The following TINAG variants were observed in gnomAD, a reference collection of about 807,000 sequenced individuals.
The protein encoded by TINAG is tubulointerstitial nephritis antigen.
Under a neutral mutation model 72.7 loss-of-function variants are expected in TINAG, and 83 were observed. The observed-to-expected ratio is 1.14, with a 90% CI of 0.96 to 1.37. The LOEUF (loss-of-function observed/expected upper bound fraction) is 1.37, where lower values mean the gene tolerates loss of function less well. Ranked by LOEUF, TINAG falls within the 40% of genes most tolerant of loss-of-function variation. The pLI, the probability that TINAG is intolerant of heterozygous loss-of-function variation, is 0.00. For missense variants in TINAG, 685 were observed against 576.6 expected (o/e 1.19, Z -1.93); for synonymous variants, 234 against 189.9 (o/e 1.23, Z -1.91).
chr6:54,353,886 C>T (rs1280079405), intron 8 of TINAG, among the ~76,000 whole-genome samples: 1 of 151,732 alleles, frequency 6.6e-6, no homozygotes, highest in Non-Finnish European at 1.5e-5. Flanking sequence ...AGCCCTTCAA[C>T]AAAGCAGCAC....
chr6:54,338,280 A>G (rs1403063131), intron 4 of TINAG, among the ~76,000 whole-genome samples: 2 of 152,216 alleles, frequency 1.3e-5, no homozygotes, highest in African/African-American at 4.8e-5. Context: ...AAATAAATGT[A>G]AAAATTTATT....
At chr6:54,342,063 GT>G (rs558975492) in intron 4 of TINAG, among the ~76,000 whole-genome samples, 1,689 of 103,664 alleles carry the variant, frequency 0.016, 36 homozygotes, top group African/African-American at 0.055. Flanking sequence ...AATGATTGGG[GT>G]GTGTGTGTGT....
intron 4 of TINAG, among the ~76,000 whole-genome samples, chr6:54,340,778 A>C (rs1024065481): frequency 6.6e-6 from 1 of 152,008 alleles, no homozygotes; most frequent in African/African-American, 2.4e-5. Context: ...TTGTTGTTTC[A>C]CTATTGCCTT....
chr6:54,330,896 A>T (rs1784723496), intron 4 of TINAG, among the ~76,000 whole-genome samples: 2 of 152,182 alleles, frequency 1.3e-5, no homozygotes, highest in Admixed American at 6.5e-5. Flanking sequence ...CCCTCCCAGG[A>T]CTAAACCAGG....
chr6:54,320,506 T>G, intron 1 of TINAG, 73 bp from the exon 2 acceptor site: 3 of 1,237,194 alleles, frequency 2.4e-6, no homozygotes, highest in Non-Finnish European at 3.4e-6. Flanking sequence ...CTATGATTTT[T>G]GATTACATTT....
At chr6:54,366,067 C>G (rs1437359324) in intron 9 of TINAG, among the ~76,000 whole-genome samples, 2 of 151,602 alleles carry the variant, frequency 1.3e-5, no homozygotes, top group Admixed American at 1.3e-4. Context: ...AGAACTATCA[C>G]TAAACAACTG....
chr6:54,318,975 A>T (rs1784432091), intron 1 of TINAG, among the ~76,000 whole-genome samples: 1 of 152,082 alleles, frequency 6.6e-6, no homozygotes, highest in Non-Finnish European at 1.5e-5. Flanking sequence ...TTAACATTAA[A>T]TTTAGTGTTG....
rs1785014057 is a variant in TINAG, at chr6:54,342,248, AT to A, written c.625-975del. On this transcript the variant is annotated intron_variant, in intron 4 of 10. Coordinates refer to ENST00000259782, the MANE Select transcript of TINAG (RefSeq NM_014464.4). ...ATGAAATGAACAGAACAAGTTTACA[AT>A]TTAGTTGGCTTCTTGGAAAGATGGC... Among the ~76,000 whole-genome samples, 3 of 152,154 alleles carry A rather than the reference AT, an allele frequency of 2.0e-5. 1 individual carries two copies. The South Asian group carries it at 6.2e-4, about 31-fold the overall frequency.
chr6:54,319,230 G>T (rs1325955998), intron 1 of TINAG, among the ~76,000 whole-genome samples: 1 of 152,026 alleles, frequency 6.6e-6, no homozygotes, highest in African/African-American at 2.4e-5. Context: ...ACTTCTCTTG[G>T]CTTTGAATGA....
intron 9 of TINAG, among the ~76,000 whole-genome samples, chr6:54,377,588 A>G (rs1227135866): frequency 6.6e-6 from 1 of 152,148 alleles, no homozygotes; most frequent in African/African-American, 2.4e-5. Context: ...ATGTTTGTAA[A>G]TAATCTTCAA....
chr6:54,354,216 C>A (rs2150962577), intron 8 of TINAG, among the ~76,000 whole-genome samples: 1 of 151,898 alleles, frequency 6.6e-6, no homozygotes, highest in African/African-American at 2.4e-5. Flanking sequence ...GTATAGTATG[C>A]TTTTGTTGCA....
intron 9 of TINAG, among the ~76,000 whole-genome samples, chr6:54,377,447 G>C (rs1265405688): frequency 6.6e-6 from 1 of 152,092 alleles, no homozygotes; most frequent in Admixed American, 6.6e-5. Flanking sequence ...GGGAGGCGGA[G>C]TTTGCTATGA....
At chr6:54,369,346 T>TTA (rs1763535295) in intron 9 of TINAG, among the ~76,000 whole-genome samples, 1 of 151,946 alleles carries the variant, frequency 6.6e-6, no homozygotes, top group Admixed American at 6.6e-5. Context: ...AAATACACTA[T>TTA]TATACACATT....
intron 5 of TINAG, 132 bp downstream of exon 5, chr6:54,343,481 A>C: frequency 1.0e-6 from 1 of 972,358 alleles, no homozygotes; most frequent in Middle Eastern, 2.8e-4. Context: ...TCTCATTATG[A>C]TGGAAGAAAG....
intron 4 of TINAG, among the ~76,000 whole-genome samples, chr6:54,328,279 A>C (rs1483813176): frequency 6.6e-6 from 1 of 152,104 alleles, no homozygotes; most frequent in Non-Finnish European, 1.5e-5. Context: ...AGGAGCAGGC[A>C]GCAATCTTTG....
chr6:54,335,423 A>T (rs578000230), intron 4 of TINAG, among the ~76,000 whole-genome samples: 1 of 152,318 alleles, frequency 6.6e-6, no homozygotes, highest in Non-Finnish European at 1.5e-5. Context: ...GCAATAAGAA[A>T]AATTCAGCTG....
chr6:54,349,753 C>A lies in TINAG; in HGVS notation c.937C>A (p.Gln313Lys). 1 of 1,602,498 alleles carries A rather than the reference C, an allele frequency of 6.2e-7. No individual in the cohort carries two copies. The highest frequency in any genetic ancestry group is 1.1e-5 in the South Asian group (1 of 89,520). ...SHACYPLFKD[Q>K]NATNNGCAMA... ...CGCATGCTACCCACTTTTCAAAGAC[C>A]AAAATGCTACCAACAATGGATGTGC... Residue 313 changes from glutamine (Q) to lysine (K), a missense_variant, in exon 7 of 11, where the codon CAA becomes AAA. Physicochemically the swap from Gln to Lys is moderately conservative, Grantham distance 53 (BLOSUM62 1). Transcript: ENST00000259782.
rs893079278 is a variant in TINAG at position 54,347,467 on chromosome 6, A to G, written c.849A>G (p.Gly283=). ...LISCCAKNRH[G]CNSGSIDRAW... is the part of the protein sequence containing the mutation. Reference sequence around the variant, plus strand: ...CTTGCTGTGCCAAGAACCGTCATGGATGCAATAGTGGAAGCATCGATAGGG... The same window carrying G: ...CTTGCTGTGCCAAGAACCGTCATGGGTGCAATAGTGGAAGCATCGATAGGG... The change falls in exon 6 of 11, where the codon GGA becomes GGG. Residue 283 remains glycine, a synonymous_variant. Coordinates refer to ENST00000259782, the MANE Select transcript of TINAG (RefSeq NM_014464.4). 6.2e-7 allele frequency: 1 copy of G among 1,613,260 alleles called. No homozygotes were observed. The highest frequency in any genetic ancestry group is 8.5e-7 in the Non-Finnish European group (1 of 1,179,520).
At chr6:54,368,921 A>G (rs1763519744) in intron 9 of TINAG, among the ~76,000 whole-genome samples, 2 of 151,786 alleles carry the variant, frequency 1.3e-5, no homozygotes, top group South Asian at 4.1e-4. Flanking sequence ...TACATTTTTT[A>G]TTACACATTT....
Sources: allele counts gnomAD v4.1 joint callset (sites outside exome capture counted in the v4.1 genomes callset), GRCh38; gene constraint gnomAD v4.1.1; transcripts MANE v1.5; gene names NCBI Gene and HGNC (gene_info 2026-07-23, HGNC 2026-07-21).